The following UNC79 variants were observed in gnomAD, a reference collection of about 807,000 sequenced individuals.
The protein encoded by UNC79 is protein unc-79 homolog.
Under a neutral mutation model 283.1 loss-of-function variants are expected in UNC79, and 37 were observed. The ratio of observed to expected loss-of-function variants is 0.13; its 90% CI spans 0.10 to 0.17. The LOEUF is 0.17. Ranked by LOEUF, UNC79 falls within the 10% of genes least tolerant of loss-of-function variation. The pLI, the probability that UNC79 is intolerant of heterozygous loss-of-function variation, is 1.00. For synonymous variants in UNC79, 1,107 were observed against 1,200.2 expected (o/e 0.92, Z 1.61); for missense variants, 2,272 against 3,211.1 (o/e 0.71, Z 7.07).
At chr14:93,681,996 A>G (rs1226580229) in intron 41 of UNC79, among the ~76,000 whole-genome samples, 1 of 152,210 alleles carries the variant, frequency 6.6e-6, no homozygotes, top group African/African-American at 2.4e-5. Context: ...GTGCTCTTGA[A>G]GAGCTCACAG....
intron 14 of UNC79, among the ~76,000 whole-genome samples, chr14:93,568,543 G>A (rs563867594): frequency 2.0e-4 from 30 of 151,968 alleles, no homozygotes; most frequent in African/African-American, 6.3e-4. Context: ...GTGTGGTGGC[G>A]GGTGGCTGTA....
chr14:93,486,779 A>T (rs1298691286), intron 4 of UNC79, among the ~76,000 whole-genome samples: 1 of 152,176 alleles, frequency 6.6e-6, no homozygotes, highest in Non-Finnish European at 1.5e-5. Flanking sequence ...TCTCTTAAAC[A>T]TGAGAAACAA....
chr14:93,625,313 C>T (rs1263879441), intron 30 of UNC79, among the ~76,000 whole-genome samples: 2 of 152,204 alleles, frequency 1.3e-5, no homozygotes, highest in East Asian at 1.9e-4. Context: ...CCTCAGATCA[C>T]GGCACCCACT....
At chr14:93,530,667 T>A (rs1031370215) in intron 10 of UNC79, among the ~76,000 whole-genome samples, 10 of 151,514 alleles carry the variant, frequency 6.6e-5, no homozygotes, top group Admixed American at 6.6e-4. Context: ...CCCAGCACTT[T>A]GGGAGGCCGA....
rs2063863477 is a variant in UNC79 at position 93,582,111 on chromosome 14, C to T, written c.2662-92C>T. 3.6e-5 allele frequency: 57 copies of T among 1,593,722 alleles called. No individual in the cohort carries two copies. The South Asian group carries it at 5.8e-4, about 16-fold the overall frequency. ...CAGCAGCATGGGACCCGAGACACAG[C>T]AGGTGTGCAGTCCAGCTTTGCTGAG... On this transcript the variant is annotated intron_variant, in intron 19 of 48. Coordinates refer to ENST00000555664, the Ensembl canonical transcript of UNC79.
At chr14:93,525,424 G>C (rs879367285) in intron 8 of UNC79, among the ~76,000 whole-genome samples, 7 of 151,984 alleles carry the variant, frequency 4.6e-5, no homozygotes, top group Non-Finnish European at 7.4e-5. Context: ...ACTCCAGCCT[G>C]GGCAACAGAG....
intron 20 of UNC79, 55 bp downstream of exon 20, chr14:93,582,399 A>G: frequency 6.3e-7 from 1 of 1,593,752 alleles, no homozygotes; most frequent in Non-Finnish European, 8.5e-7. Context: ...CCTGATGCTC[A>G]AATCACCGGG....
At chr14:93,490,483 CT>C (rs1391039171) in intron 5 of UNC79, among the ~76,000 whole-genome samples, 1 of 148,198 alleles carries the variant, frequency 6.7e-6, no homozygotes, top group African/African-American at 2.7e-5. Context: ...CAACACTTTG[CT>C]AAGAAATTTT....
At position 93,474,090 on chromosome 14, in the gene UNC79, A is replaced by AT; in HGVS notation, c.149dup (p.Leu50PhefsTer67). 6.5e-7 allele frequency: 1 copy of AT among 1,529,188 alleles called. No homozygotes were observed. Among genetic ancestry groups the AT allele is most frequent in the Non-Finnish European group, 8.8e-7 (1 of 1,141,988 alleles). The allele number at this position is 1,529,188 out of a possible 1,614,324, so 94.7% of individuals were successfully genotyped here. A position where few individuals can be genotyped will look rare whatever the true frequency, so the allele number is the denominator to read the frequency against. On this transcript the variant is annotated frameshift_variant and splice_region_variant, in exon 3 of 49. Coordinates refer to ENST00000555664, the Ensembl canonical transcript of UNC79. LOFTEE classifies it high-confidence loss of function. The surrounding 1 kb of genome is among the most constrained non-coding windows in gnomAD (Gnocchi z 4.1). ...TTTTTTTCTTTGTCCCCCCAACAGCATTTTGTCCCGCACAGGGAAGAAGGA... is the reference window on the plus strand; with the variant it reads ...TTTTTTTCTTTGTCCCCCCAACAGCATTTTTGTCCCGCACAGGGAAGAAGGA...
At chr14:93,435,703 T>C (rs569834008) in intron 1 of UNC79, among the ~76,000 whole-genome samples, 6 of 152,314 alleles carry the variant, frequency 3.9e-5, no homozygotes, top group Admixed American at 3.9e-4. Context: ...AAAAAATCAG[T>C]CTTCCTAAAC....
intron 14 of UNC79, among the ~76,000 whole-genome samples, chr14:93,555,066 ATCT>A (rs767868451): frequency 4.6e-5 from 7 of 152,318 alleles, no homozygotes; most frequent in African/African-American, 9.6e-5. Context: ...GCAGTTTATA[ATCT>A]TAAAGCATCT....
At chr14:93,560,370 A>G (rs1359417825) in intron 14 of UNC79, among the ~76,000 whole-genome samples, 1 of 149,360 alleles carries the variant, frequency 6.7e-6, no homozygotes, top group Non-Finnish European at 1.5e-5. Context: ...TTCAGCAGTG[A>G]GTAAGTCAAG....
At chr14:93,461,706 A>G (rs1426618471) in intron 1 of UNC79, among the ~76,000 whole-genome samples, 1 of 152,178 alleles carries the variant, frequency 6.6e-6, no homozygotes, top group African/African-American at 2.4e-5. Context: ...CTTAGAAAAG[A>G]CAGTCAACGG....
At chr14:93,576,341 G>A (rs1278602715) in intron 17 of UNC79, among the ~76,000 whole-genome samples, 2 of 151,990 alleles carry the variant, frequency 1.3e-5, no homozygotes, top group Non-Finnish European at 2.9e-5. Context: ...AAATACCTAG[G>A]TGATAGGTTC....
chr14:93,569,533 A>T (rs1336379260), intron 14 of UNC79, among the ~76,000 whole-genome samples: 1 of 152,222 alleles, frequency 6.6e-6, no homozygotes, highest in African/African-American at 2.4e-5. Flanking sequence ...AGGGGAGAGG[A>T]ATTATGCAGA....
chr14:93,647,861 T>C (rs1294707279), intron 35 of UNC79, among the ~76,000 whole-genome samples: 2 of 152,080 alleles, frequency 1.3e-5, no homozygotes. Context: ...TGGTGGAAGA[T>C]GAAGGAAGAG....
upstream of UNC79, among the ~76,000 whole-genome samples, chr14:93,425,638 G>A (rs911401176): frequency 1.3e-5 from 2 of 152,146 alleles, no homozygotes; most frequent in African/African-American, 4.8e-5. Context: ...TTGGGGAAGA[G>A]TTTAATAAAT....
intron 1 of UNC79, 71 bp downstream of exon 1, chr14:93,431,122 C>T: frequency 2.1e-6 from 1 of 480,222 alleles, no homozygotes; most frequent in Non-Finnish European, 4.0e-6. Context: ...GCGTTTGCGG[C>T]TGCTGGGAGA....
At position 93,617,292 on chromosome 14, in the gene UNC79, C is replaced by T; in HGVS notation, c.4212C>T (p.Val1404=). The T allele has an allele frequency of 1.2e-6, 2 of 1,614,048 alleles. No individual in the cohort carries two copies. Among genetic ancestry groups the T allele is most frequent in the Non-Finnish European group, 1.7e-6 (2 of 1,179,962 alleles). Reference sequence around the variant, plus strand: ...AGATGTGGTTGAAGGCCTTGCTTGTCATCCTTTACAAGGTGAGCTGGGTGG... The same window carrying T: ...AGATGTGGTTGAAGGCCTTGCTTGTTATCCTTTACAAGGTGAGCTGGGTGG... The change falls in exon 28 of 49, where the codon GTC becomes GTT. Residue 1404 remains valine, a synonymous_variant. Transcript: ENST00000555664. The surrounding 1 kb of genome is among the most constrained non-coding windows in gnomAD (Gnocchi z 4.5).
Sources: allele counts gnomAD v4.1 joint callset (sites outside exome capture counted in the v4.1 genomes callset), GRCh38; gene constraint gnomAD v4.1.1; non-coding constraint Gnocchi (gnomAD v3.1); transcripts MANE v1.5; gene names NCBI Gene and HGNC (gene_info 2026-07-23, HGNC 2026-07-21).